Variants in PDE6B observed in about 807,000 individuals in gnomAD.
The protein encoded by PDE6B is rod cGMP-specific 3',5'-cyclic phosphodiesterase subunit beta.
PDE6B carries 106 observed loss-of-function variants against 109.0 expected under a neutral mutation model. The observed-to-expected ratio is 0.97, with a 90% CI of 0.83 to 1.14. PDE6B has a LOEUF of 1.14. Among genes scored for constraint, PDE6B ranks in the 50% most tolerant of loss-of-function variants. The pLI is 0.00. For missense variants in PDE6B, 1,193 were observed against 1,155.6 expected (o/e 1.03, Z -0.47); for synonymous variants, 490 against 471.3 (o/e 1.04, Z -0.51).
chr4:654,858 TC>T lies in PDE6B; in HGVS notation c.964del (p.His322ThrfsTer37). 6.4e-7 allele frequency: 1 copy of T among 1,574,158 alleles called. No individual in the cohort carries two copies. Among genetic ancestry groups the T allele is most frequent in the Non-Finnish European group, 8.7e-7 (1 of 1,143,598 alleles). On this transcript the variant is annotated frameshift_variant, in exon 6 of 22. Transcript: ENST00000496514. LOFTEE classifies it high-confidence loss of function. ...TTCTACAAAGTGATCGACTACGTCC[TC>T]CACGGCAAGGAGGAGATCAAGGTCA... is the stretch of plus-strand genomic sequence containing the variant. Reference protein sequence around the residue: ...IVFYKVIDYVLHGKEEIKVIP... With the variant: ...IVFYKVIDYVXHGKEEIKVIP...
intron 21 of PDE6B, 87 bp from the exon 22 acceptor site, chr4:669,959 T>C: frequency 9.3e-7 from 1 of 1,071,168 alleles, no homozygotes; most frequent in South Asian, 1.2e-5. Context: ...CTGCAGGGGT[T>C]GGTAGAGGTC....
chr4:648,826 C>T lies in PDE6B; in HGVS notation c.712-5026C>T, dbSNP rs1230434041. On this transcript the variant is annotated intron_variant, in intron 3 of 21. Coordinates refer to ENST00000496514, the MANE Select transcript of PDE6B (RefSeq NM_000283.4). The surrounding 1 kb of genome is among the most constrained non-coding windows in gnomAD (Gnocchi z 4.5). ...AGGGCTGCAGCTCTCACCTTCAGGC[C>T]GGCCATGCGTCAGGACCCGGTGGCT... Among the ~76,000 whole-genome samples, 3 of 152,234 alleles carry T rather than the reference C, an allele frequency of 2.0e-5. No homozygotes were observed. The highest frequency in any genetic ancestry group is 2.9e-5 in the Non-Finnish European group (2 of 68,050).
At chr4:659,575 G>A (rs33997822) in intron 11 of PDE6B, among the ~76,000 whole-genome samples, 28,399 of 150,584 alleles carry the variant, frequency 0.19, 3,084 homozygotes, top group African/African-American at 0.31. Context: ...ACATGTGGGT[G>A]TGTGTGTGCA....
At chr4:649,190 G>T (rs771053604) in intron 3 of PDE6B, among the ~76,000 whole-genome samples, 5 of 152,182 alleles carry the variant, frequency 3.3e-5, no homozygotes, top group African/African-American at 4.8e-5. Flanking sequence ...GGTGTCTGTC[G>T]CCTTTCCTTT....
At chr4:634,649 C>A (rs750013964) in intron 1 of PDE6B, 28 bp from the exon 2 acceptor site, 1 of 1,603,362 alleles carries the variant, frequency 6.2e-7, no homozygotes. Flanking sequence ...GCGACAGCCT[C>A]TTTAGCCTCT....
At position 634,665 on chromosome 4, in the gene PDE6B, C is replaced by T. The variant is rs767823676; in HGVS notation, c.469-12C>T. The T allele has an allele frequency of 1.9e-6, 3 of 1,610,408 alleles. No individual in the cohort carries two copies. The highest frequency in any genetic ancestry group is 1.3e-5 in the African/African-American group (1 of 74,844). On this transcript the variant is annotated splice_polypyrimidine_tract_variant and intron_variant, in intron 1 of 21. Coordinates refer to ENST00000496514, the MANE Select transcript of PDE6B (RefSeq NM_000283.4). ...CGACAGCCTCTTTAGCCTCTTTCCT[C>T]TCTTGCGGCAGTGCCCTCACTTCAG...
intron 3 of PDE6B, among the ~76,000 whole-genome samples, chr4:646,456 T>A (rs1735204726): frequency 6.6e-6 from 1 of 152,010 alleles, no homozygotes; most frequent in African/African-American, 2.4e-5. Flanking sequence ...TTTTGGCATT[T>A]GTCTTTTTTG....
chr4:659,104 G>C (rs1331219778), intron 11 of PDE6B, 87 bp downstream of exon 11: 2 of 983,650 alleles, frequency 2.0e-6, no homozygotes. Flanking sequence ...GGACCCGACG[G>C]TGCTTTGCAC....
rs1737259245 is a variant in PDE6B at position 662,728 on chromosome 4, G to T, written c.1832+110G>T. 1 of 770,210 alleles carries T rather than the reference G, an allele frequency of 1.3e-6. No homozygotes were observed. Among genetic ancestry groups the T allele is most frequent in the Non-Finnish European group, 2.3e-6 (1 of 438,350 alleles). 47.7% of individuals were successfully genotyped at this position (770,210 alleles called of 1,614,324 possible). ...TGTAGAAAGTGGAGTCCACGGCCAG[G>T]CCCCGTACTCCAGCACTGTGGGAGG... On this transcript the variant is annotated intron_variant, in intron 14 of 21. Coordinates refer to ENST00000496514, the MANE Select transcript of PDE6B (RefSeq NM_000283.4). The surrounding 1 kb of genome is among the most constrained non-coding windows in gnomAD (Gnocchi z 4.3).
Position 660,547 on chromosome 4 carries a change from G to A in PDE6B, c.1548G>A (p.Leu516=). The change falls in exon 12 of 22, where the codon CTG becomes CTA. Residue 516 remains leucine (L), a synonymous_variant. Transcript: ENST00000496514. The stretch of plus-strand genomic sequence containing the variant: ...ACCTGGAGTGCACCGAACTGGACCT[G>A]GTCAAATGTGGCATCCAGATGTACT... ...FSDLECTELD[L]VKCGIQMYYE... is the part of the protein sequence containing the mutation. 6.2e-7 allele frequency: 1 copy of A among 1,613,756 alleles called. No individual in the cohort carries two copies. Among genetic ancestry groups the A allele is most frequent in the Non-Finnish European group, 8.5e-7 (1 of 1,179,832 alleles).
rs566304756 is a variant in PDE6B, at chr4:636,952, G to A, written c.711+983G>A. Among the ~76,000 whole-genome samples, 27 of 152,350 alleles carry A rather than the reference G, an allele frequency of 1.8e-4. No individual in the cohort carries two copies. The South Asian group carries it at 4.6e-3, about 26-fold the overall frequency. On this transcript the variant is annotated intron_variant, in intron 3 of 21. Coordinates refer to ENST00000496514, the MANE Select transcript of PDE6B (RefSeq NM_000283.4). This position sits in a 1 kb window ranked among gnomAD's most constrained non-coding sequence, Gnocchi z 4.5. ...AAGCAGGCCTCTCACGGCCAGGGCC[G>A]TGGGAACCAGGGACCAGGGAGAGCA... is the stretch of plus-strand genomic sequence containing the variant.
intron 3 of PDE6B, among the ~76,000 whole-genome samples, chr4:638,810 T>G (rs1734813496): frequency 6.6e-6 from 1 of 152,172 alleles, no homozygotes; most frequent in African/African-American, 2.4e-5. Context: ...CAGGATCTTC[T>G]TTCATTCAGT....
rs1336720857 is a variant in PDE6B, at chr4:663,943, G to A, written c.2021+73G>A. Reference sequence around the variant, plus strand: ...TGGGACCCCCGGCAGACACGGGGGCGCAGCGGCGGCACAGCCCGGGGGACG... The same window carrying A: ...TGGGACCCCCGGCAGACACGGGGGCACAGCGGCGGCACAGCCCGGGGGACG... On this transcript the variant is annotated intron_variant, in intron 16 of 21. Transcript: ENST00000496514. The surrounding 1 kb of genome is among the most constrained non-coding windows in gnomAD (Gnocchi z 4.0). 1.2e-5 allele frequency: 14 copies of A among 1,191,146 alleles called. No homozygotes were observed. Among genetic ancestry groups the A allele is most frequent in the East Asian group, 2.7e-5 (1 of 37,316 alleles). The allele number at this position is 1,191,146 out of a possible 1,614,324, so 73.8% of individuals were successfully genotyped here.
intron 11 of PDE6B, among the ~76,000 whole-genome samples, 165 bp from the exon 12 acceptor site, chr4:660,302 G>A (rs532645433): frequency 2.3e-4 from 35 of 152,348 alleles, no homozygotes; most frequent in East Asian, 1.9e-3. Context: ...CCAGGGGGGC[G>A]TGTGAGCAGC....
intron 7 of PDE6B, 79 bp from the exon 8 acceptor site, chr4:656,166 C>T: frequency 9.0e-7 from 1 of 1,113,306 alleles, no homozygotes. Context: ...AAGCTCACCT[C>T]AGGGCCACAG....
chr4:663,800 C>A lies in PDE6B; in HGVS notation c.1951C>A (p.Arg651=). ...GAACATCTACCAGAACCTGAACCGGCGGCAGCACGAGCACGTGATCCACCT... is the reference window on the plus strand; with the variant it reads ...GAACATCTACCAGAACCTGAACCGGAGGCAGCACGAGCACGTGATCCACCT... The part of the protein sequence containing the change: ...TLNIYQNLNR[R]QHEHVIHLMD... Residue 651 remains arginine (R), a synonymous_variant, in exon 16 of 22, where the codon CGG becomes AGG. Coordinates refer to ENST00000496514, the MANE Select transcript of PDE6B (RefSeq NM_000283.4). This position sits in a 1 kb window ranked among gnomAD's most constrained non-coding sequence, Gnocchi z 4.0. The A allele has an allele frequency of 6.2e-7, 1 of 1,612,164 alleles. No homozygotes were observed. The highest frequency in any genetic ancestry group is 8.5e-7 in the Non-Finnish European group (1 of 1,179,236).
Position 636,552 on chromosome 4 carries a change from C to T in PDE6B, c.711+583C>T, listed in dbSNP as rs558448806. Among the ~76,000 whole-genome samples, 12 of 152,000 alleles carry T rather than the reference C, an allele frequency of 7.9e-5. No individual in the cohort carries two copies. Among genetic ancestry groups the T allele is most frequent in the Middle Eastern group, 6.8e-3 (2 of 294 alleles). ...TCTGAGACCCTGGCTCAGGGGAGAC[C>T]TGGATGGATAGTGAGTGGGCTGGGG... On this transcript the variant is annotated intron_variant, in intron 3 of 21. Transcript: ENST00000496514. The surrounding 1 kb of genome is among the most constrained non-coding windows in gnomAD (Gnocchi z 4.5).
In PDE6B at chr4:636,265, A is replaced by G. The variant is rs899027751; in HGVS notation, c.711+296A>G. On this transcript the variant is annotated intron_variant, in intron 3 of 21. Transcript: ENST00000496514. The surrounding 1 kb of genome is among the most constrained non-coding windows in gnomAD (Gnocchi z 4.5). ...GCCCCCAACCTCCTTGGGAGAAGCC[A>G]GTATGAGTGACGAGTGAGCAGGGAG... Among the ~76,000 whole-genome samples the G allele has an allele frequency of 1.3e-5, 2 of 152,194 alleles. No homozygotes were observed. Among genetic ancestry groups the G allele is most frequent in the Admixed American group, 1.3e-4 (2 of 15,286 alleles).
intron 3 of PDE6B, among the ~76,000 whole-genome samples, chr4:642,721 G>A (rs1735001313): frequency 1.4e-5 from 1 of 73,608 alleles, no homozygotes; most frequent in Admixed American, 1.7e-4. Context: ...AACAGACACT[G>A]TCTCAAAAAA....
Sources: allele counts gnomAD v4.1 joint callset (sites outside exome capture counted in the v4.1 genomes callset), GRCh38; gene constraint gnomAD v4.1.1; non-coding constraint Gnocchi (gnomAD v3.1); transcripts MANE v1.5; gene names NCBI Gene and HGNC (gene_info 2026-07-23, HGNC 2026-07-21).